Variants in FAM241A observed in about 807,000 individuals in gnomAD.
The protein encoded by FAM241A is uncharacterized protein FAM241A.
FAM241A carries 7 observed loss-of-function variants against 12.2 expected under a neutral mutation model. The ratio of observed to expected loss-of-function variants is 0.58; its 90% CI spans 0.33 to 1.08. FAM241A has a LOEUF of 1.08. FAM241A is among the 50% of genes least tolerant of loss of function. FAM241A has a pLI of 0.04. For missense variants in FAM241A, 161 were observed against 169.7 expected, an observed-to-expected ratio of 0.95 and a Z score of 0.29; for synonymous variants, 74 against 68.2, an observed-to-expected ratio of 1.08 and a Z score of -0.42.
intron 1 of FAM241A, among the ~76,000 whole-genome samples, chr4:112,174,168 A>G (rs2110431083): frequency 6.6e-6 from 1 of 152,276 alleles, no homozygotes; most frequent in South Asian, 2.1e-4. Context: ...ACCAGTCTCT[A>G]AGCGAGGCAC....
rs138369870 is a variant in FAM241A, at chr4:112,186,637, C to T, written c.154-56C>T. ...GATGAAGAACTAAGGTTCTTAAAGA[C>T]GTTTACATATTTCTCATGTTATGTT... On this transcript the variant is annotated intron_variant, in intron 1 of 1. Coordinates refer to ENST00000309733, the MANE Select transcript of FAM241A (RefSeq NM_152400.3). 1,244 of 1,511,974 alleles carry T rather than the reference C, an allele frequency of 8.2e-4. 10 individuals carry two copies. The African/African-American group carries it at 0.015, about 19-fold the overall frequency. 93.7% of individuals were successfully genotyped at this position (1,511,974 alleles called of 1,614,324 possible). A position where few individuals can be genotyped will look rare whatever the true frequency, so the allele number is the denominator to read the frequency against.
rs2110434129 is a variant in FAM241A at position 112,180,994 on chromosome 4, T to G, written c.154-5699T>G. Among the ~76,000 whole-genome samples, 3 of 152,362 alleles carry G rather than the reference T, an allele frequency of 2.0e-5. 1 individual carries two copies. The South Asian group carries it at 6.2e-4, about 32-fold the overall frequency. On this transcript the variant is annotated intron_variant, in intron 1 of 1. Coordinates refer to ENST00000309733, the MANE Select transcript of FAM241A (RefSeq NM_152400.3). The stretch of plus-strand genomic sequence containing the variant: ...AGAAATAAAAGAAAATAAGGATCAC[T>G]TTCCAAAGTTGACCCAGAAGAGCTA...
intron 1 of FAM241A, among the ~76,000 whole-genome samples, chr4:112,162,964 T>C (rs2110425436): frequency 6.6e-6 from 1 of 152,208 alleles, no homozygotes; most frequent in South Asian, 2.1e-4. Flanking sequence ...AAAACAGAGA[T>C]AGACCAATGG....
Position 112,190,542 on chromosome 4 carries a change from A to AAC in FAM241A, c.*3604_*3605insAC, listed in dbSNP as rs1724146057. The AAC allele has an allele frequency of 6.6e-6, 1 of 150,518 alleles. No individual in the cohort carries two copies. The highest frequency in any genetic ancestry group is 1.5e-5 in the Non-Finnish European group (1 of 67,598). The allele number at this position is 150,518 out of a possible 1,614,324, so 9.3% of individuals were successfully genotyped here. A position where few individuals can be genotyped will look rare whatever the true frequency, so the allele number is the denominator to read the frequency against. On this transcript the variant is annotated 3_prime_UTR_variant, in exon 2 of 2. Coordinates refer to ENST00000309733, the MANE Select transcript of FAM241A (RefSeq NM_152400.3). The stretch of plus-strand genomic sequence containing the variant: ...CTCTACTAAAAAAAAAAAAAAAAAA[A>AAC]TACAAAATTAGCTAGGCGTGGTGGT...
At chr4:112,171,235 C>T in intron 1 of FAM241A, 1 of 728,504 alleles carries the variant, frequency 1.4e-6, no homozygotes, top group South Asian at 1.4e-5. Context: ...ATTCCTAAAA[C>T]CCACTGGACT....
chr4:112,146,719 C>T (rs1723145142), intron 1 of FAM241A, among the ~76,000 whole-genome samples: 1 of 152,196 alleles, frequency 6.6e-6, no homozygotes, highest in Non-Finnish European at 1.5e-5. Flanking sequence ...CCAGTATCAT[C>T]ACTAAATGCA....
chr4:112,166,391 T>C (rs576801949), intron 1 of FAM241A, among the ~76,000 whole-genome samples: 1 of 152,312 alleles, frequency 6.6e-6, no homozygotes, highest in East Asian at 1.9e-4. Context: ...GAAGATTATA[T>C]ACTCACACCT....
At chr4:112,181,562 AAAT>A (rs1357513834) in intron 1 of FAM241A, among the ~76,000 whole-genome samples, 15 of 152,254 alleles carry the variant, frequency 9.9e-5, no homozygotes, top group Admixed American at 5.2e-4. Flanking sequence ...GACATTAATC[AAAT>A]AATGACACAC....
At chr4:112,184,119 A>G (rs1249482295) in intron 1 of FAM241A, among the ~76,000 whole-genome samples, 1 of 152,270 alleles carries the variant, frequency 6.6e-6, no homozygotes, top group Non-Finnish European at 1.5e-5. Flanking sequence ...GGCTAAGGTC[A>G]TGTCACTCAG....
chr4:112,151,577 A>G (rs1375150076), intron 1 of FAM241A, among the ~76,000 whole-genome samples: 2 of 152,192 alleles, frequency 1.3e-5, no homozygotes, highest in African/African-American at 2.4e-5. Flanking sequence ...ACAAACTCCT[A>G]AGTGATGCTG....
intron 1 of FAM241A, among the ~76,000 whole-genome samples, chr4:112,176,558 C>G (rs1250532602): frequency 6.6e-6 from 1 of 152,172 alleles, no homozygotes; most frequent in East Asian, 1.9e-4. Flanking sequence ...TTAACCTCTT[C>G]ATTCCTAATT....
At chr4:112,146,573 C>T (rs1209218204) in intron 1 of FAM241A, among the ~76,000 whole-genome samples, 2 of 152,084 alleles carry the variant, frequency 1.3e-5, no homozygotes, top group African/African-American at 2.4e-5. Context: ...TGAGGTAAGC[C>T]GCTCTTTAGA....
At chr4:112,145,767 G>C in intron 1 of FAM241A, 34 bp downstream of exon 1, 1 of 1,153,324 alleles carries the variant, frequency 8.7e-7, no homozygotes, top group Non-Finnish European at 1.1e-6. Flanking sequence ...CGAAGCGGCC[G>C]GGTCGGGGGC....
intron 1 of FAM241A, among the ~76,000 whole-genome samples, chr4:112,175,342 T>G (rs1560584358): frequency 6.6e-6 from 1 of 152,176 alleles, no homozygotes; most frequent in Non-Finnish European, 1.5e-5. Flanking sequence ...CTAACTACAG[T>G]TTGTTTGTTT....
chr4:112,185,054 T>C lies in FAM241A; in HGVS notation c.154-1639T>C, dbSNP rs1724012157. ...ATACGGCATACTTAATGGTATTTAA[T>C]ACTTATTATGTGAAGCCCTATATCT... is the stretch of plus-strand genomic sequence containing the variant. On this transcript the variant is annotated intron_variant, in intron 1 of 1. Transcript: ENST00000309733. Among the ~76,000 whole-genome samples the C allele has an allele frequency of 2.0e-5, 3 of 152,184 alleles. 1 individual carries two copies. Among genetic ancestry groups the C allele is most frequent in the South Asian group, 4.1e-4 (2 of 4,838 alleles).
At chr4:112,172,645 A>T (rs1349354231) in intron 1 of FAM241A, among the ~76,000 whole-genome samples, 1 of 152,106 alleles carries the variant, frequency 6.6e-6, no homozygotes, top group Non-Finnish European at 1.5e-5. Flanking sequence ...AAATATATGT[A>T]TTTGTTTATA....
intron 1 of FAM241A, among the ~76,000 whole-genome samples, chr4:112,165,221 T>C (rs1451106310): frequency 6.6e-6 from 1 of 152,160 alleles, no homozygotes; most frequent in Non-Finnish European, 1.5e-5. Flanking sequence ...TCACACCAGT[T>C]GAAATGTCTT....
At chr4:112,154,879 CAA>C (rs753583976) in intron 1 of FAM241A, among the ~76,000 whole-genome samples, 20 of 151,906 alleles carry the variant, frequency 1.3e-4, no homozygotes, top group Non-Finnish European at 2.5e-4. Flanking sequence ...CAAAAAGATA[CAA>C]AAATCAGCCG....
At position 112,194,219 on chromosome 4, in the gene FAM241A, A is replaced by G. The variant is rs1037543621; in HGVS notation, c.*7281A>G. Reference sequence around the variant, plus strand: ...ATTTTGTATCCTGAGACTTTGCTGAAGTTGCTTATCAGCTTAAGGAGATTT... The same window carrying G: ...ATTTTGTATCCTGAGACTTTGCTGAGGTTGCTTATCAGCTTAAGGAGATTT... On this transcript the variant is annotated 3_prime_UTR_variant, in exon 2 of 2. Coordinates refer to ENST00000309733, the MANE Select transcript of FAM241A (RefSeq NM_152400.3). 6 of 146,604 alleles carry G rather than the reference A, an allele frequency of 4.1e-5. No individual in the cohort carries two copies. Among genetic ancestry groups the G allele is most frequent in the African/African-American group, 1.5e-4 (6 of 39,508 alleles). The allele number at this position is 146,604 out of a possible 1,614,324, so 9.1% of individuals were successfully genotyped here. A position where few individuals can be genotyped will look rare whatever the true frequency, so the allele number is the denominator to read the frequency against.
Sources: gnomAD v4.1 joint callset for allele counts (sites outside exome capture counted in the v4.1 genomes callset) on GRCh38, gnomAD v4.1.1 for gene constraint, MANE v1.5 for transcripts, NCBI Gene and HGNC (gene_info 2026-07-23, HGNC 2026-07-21) for gene names.